Variants in SCN9A observed in about 807,000 individuals in gnomAD.
SCN9A encodes the protein sodium channel protein type 9 subunit alpha.
SCN9A carries 131 observed loss-of-function variants against 187.0 expected under a neutral mutation model. The observed-to-expected ratio is 0.70, with a 90% CI of 0.61 to 0.81. SCN9A has a LOEUF of 0.81. Ranked by LOEUF, SCN9A falls within the 30% of genes least tolerant of loss-of-function variation. The pLI is 0.00. For synonymous variants in SCN9A, 809 were observed against 808.6 expected (o/e 1.00, Z -0.01); for missense variants, 2,252 against 2,396.6 (o/e 0.94, Z 1.26).
intron 1 of SCN9A, among the ~76,000 whole-genome samples, chr2:166,360,355 G>A (rs1261895457): frequency 6.6e-6 from 1 of 150,520 alleles, no homozygotes; most frequent in Non-Finnish European, 1.5e-5. Flanking sequence ...AATTCATAAA[G>A]TCTTATCTGT....
chr2:166,318,926 C>T (rs963763669), intron 1 of SCN9A, among the ~76,000 whole-genome samples: 13 of 151,852 alleles, frequency 8.6e-5, no homozygotes, highest in African/African-American at 2.9e-4. Context: ...CCATGTTGTT[C>T]GACATTAGTC....
At chr2:166,208,186 G>A (rs1412957370) in intron 24 of SCN9A, among the ~76,000 whole-genome samples, 1 of 152,072 alleles carries the variant, frequency 6.6e-6, no homozygotes, top group South Asian at 2.1e-4. Flanking sequence ...GTTTTTTTCT[G>A]TGTTACAATC....
intron 1 of SCN9A, among the ~76,000 whole-genome samples, chr2:166,347,479 T>C (rs1302703076): frequency 3.9e-5 from 6 of 152,262 alleles, no homozygotes; most frequent in Middle Eastern, 3.4e-3. Context: ...TGCCTAGTGG[T>C]TGATGTACCT....
intron 24 of SCN9A, among the ~76,000 whole-genome samples, chr2:166,223,961 T>G (rs1479717233): frequency 6.6e-6 from 1 of 152,176 alleles, no homozygotes; most frequent in Non-Finnish European, 1.5e-5. Flanking sequence ...GATTGCAAGA[T>G]GAAATACTGG....
chr2:166,373,662 A>AT (rs1032583436), intron 1 of SCN9A, among the ~76,000 whole-genome samples: 1 of 152,182 alleles, frequency 6.6e-6, no homozygotes, highest in Non-Finnish European at 1.5e-5. Flanking sequence ...TGGTGAAGGC[A>AT]TTTATTCAGA....
intron 1 of SCN9A, among the ~76,000 whole-genome samples, chr2:166,320,656 C>T (rs1316143098): frequency 2.0e-5 from 3 of 152,092 alleles, no homozygotes; most frequent in African/African-American, 7.2e-5. Flanking sequence ...TATCTGACAC[C>T]AATTCTTCCA....
chr2:166,368,129 T>C (rs1367921672), intron 1 of SCN9A, among the ~76,000 whole-genome samples: 2 of 152,186 alleles, frequency 1.3e-5, no homozygotes, highest in Non-Finnish European at 2.9e-5. Context: ...TTAGTAACCA[T>C]TGTGAGTCTT....
intron 1 of SCN9A, among the ~76,000 whole-genome samples, chr2:166,338,663 C>A (rs112768548): frequency 2.0e-5 from 3 of 151,946 alleles, no homozygotes; most frequent in Non-Finnish European, 4.4e-5. Flanking sequence ...TAAATTACAT[C>A]ATTTTTTATT....
chr2:166,355,185 C>G (rs1292319268), intron 1 of SCN9A, among the ~76,000 whole-genome samples: 2 of 151,866 alleles, frequency 1.3e-5, no homozygotes, highest in Non-Finnish European at 2.9e-5. Flanking sequence ...ATCACTGCAA[C>G]CTCTGCCTCT....
rs375375336 is a variant in SCN9A, at chr2:166,278,153, C to T, written c.2504G>A (p.Arg835Gln). The T allele has an allele frequency of 6.8e-6, 11 of 1,612,006 alleles. No homozygotes were observed. Among genetic ancestry groups the T allele is most frequent in the Admixed American group, 1.7e-5 (1 of 59,852 alleles). The change falls in exon 15 of 27, where the codon CGA becomes CAA. Residue 835 changes from arginine (R) to glutamine (Q), a missense_variant. This residue lies in a region of SCN9A where 1,013 missense variants were observed against 997.4 expected (regional missense o/e 1.02). Transcript: ENST00000642356. Reference protein sequence around the residue: ...LADVEGLSVLRSFRLLRVFKL... With the variant: ...LADVEGLSVLQSFRLLRVFKL... ...GTTTATGTTTACCAGTCTGAATGATCGCAGAACTGACAATCCTTCCACATC... is the reference window on the plus strand; with the variant it reads ...GTTTATGTTTACCAGTCTGAATGATTGCAGAACTGACAATCCTTCCACATC...
Position 166,244,129 on chromosome 2 carries a change from C to T in SCN9A, c.3473-1473G>A, listed in dbSNP as rs142731958. On this transcript the variant is annotated intron_variant, in intron 18 of 26. Transcript: ENST00000642356. ...TCGGCAGGTAATGATTTTGAGATGC[C>T]TGTGAATTGTTTAAATACAGATATC... Among the ~76,000 whole-genome samples, 31 of 152,042 alleles carry T rather than the reference C, an allele frequency of 2.0e-4. No individual in the cohort carries two copies. In the East Asian group the frequency reaches 6.0e-3, roughly 29 times the overall value.
chr2:166,264,030 G>A (rs531395820), intron 17 of SCN9A, among the ~76,000 whole-genome samples: 1 of 152,080 alleles, frequency 6.6e-6, no homozygotes, highest in African/African-American at 2.4e-5. Context: ...TACAACAGCC[G>A]TAAGAAACTA....
intron 24 of SCN9A, chr2:166,204,806 T>G (rs898496112): frequency 6.4e-6 from 1 of 155,826 alleles, no homozygotes; most frequent in African/African-American, 2.4e-5. Context: ...CTAAGAAAAT[T>G]TGTAAGAATT....
chr2:166,370,210 T>TC (rs1230350153), intron 1 of SCN9A, among the ~76,000 whole-genome samples: 288 of 108,592 alleles, frequency 2.7e-3, no homozygotes, highest in African/African-American at 3.5e-3. Context: ...ATAATAATAA[T>TC]AATAATAATA....
chr2:166,296,017 A>G (rs1452077034), intron 7 of SCN9A: 2 of 152,130 alleles, frequency 1.3e-5, no homozygotes, highest in African/African-American at 2.4e-5. Flanking sequence ...TTCCTATTTT[A>G]CTCAGGTCAA....
chr2:166,262,680 G>C (rs549114713), intron 17 of SCN9A, among the ~76,000 whole-genome samples: 1 of 152,076 alleles, frequency 6.6e-6, no homozygotes, highest in South Asian at 2.1e-4. Context: ...AAGACCCCCA[G>C]ATACGTCCAT....
intron 1 of SCN9A, among the ~76,000 whole-genome samples, chr2:166,348,167 C>T (rs765112370): frequency 9.9e-5 from 15 of 152,016 alleles, no homozygotes; most frequent in Non-Finnish European, 1.8e-4. Context: ...AATATACCAC[C>T]TTAGCACATG....
rs1320173487 is a variant in SCN9A at position 166,233,419 on chromosome 2, T to A, written c.3845A>T (p.Asp1282Val). The A allele has an allele frequency of 6.3e-7, 1 of 1,583,020 alleles. No individual in the cohort carries two copies. The highest frequency in any genetic ancestry group is 8.6e-7 in the Non-Finnish European group (1 of 1,168,946). Reference protein sequence around the residue: ...TLVANTLGYSDLGPIKSLRTL... With the variant: ...TLVANTLGYSVLGPIKSLRTL... The stretch of plus-strand genomic sequence containing the variant: ...CCGAAGGGATTTAATGGGGCCAAGA[T>A]CTGAGTAGCCAAGAGTGTTTGCCAC... The change falls in exon 21 of 27, where the codon GAT becomes GTT. Residue 1282 changes from aspartate (D) to valine (V), a missense_variant. Asp to Val is a radical substitution (Grantham distance 152). Transcript: ENST00000642356.
chr2:166,272,031 T>C (rs1180234669), intron 17 of SCN9A, among the ~76,000 whole-genome samples: 1 of 151,874 alleles, frequency 6.6e-6, no homozygotes. Flanking sequence ...CTGCTTGAAA[T>C]GGTTTAGGCA....
Sources: gnomAD v4.1 joint callset for allele counts (sites outside exome capture counted in the v4.1 genomes callset) on GRCh38, gnomAD v4.1.1 for gene constraint, gnomAD v4.1.1 regional missense constraint, MANE v1.5 for transcripts, NCBI Gene and HGNC (gene_info 2026-07-23, HGNC 2026-07-21) for gene names.